CAMKMT: variants seen among roughly 807,000 people sequenced by gnomAD.
CAMKMT encodes CaM KMT.
In CAMKMT, 53 loss-of-function variants were observed where a neutral mutation model predicts 48.0. The ratio of observed to expected loss-of-function variants is 1.10; its 90% CI spans 0.89 to 1.39. The LOEUF (loss-of-function observed/expected upper bound fraction) is 1.39. Ranked by LOEUF, CAMKMT falls within the 40% of genes most tolerant of loss-of-function variation. The pLI, the probability that CAMKMT is intolerant of heterozygous loss-of-function variation, is 0.00. For synonymous variants in CAMKMT, 165 were observed against 152.3 expected, an observed-to-expected ratio of 1.08 and a Z score of -0.61; for missense variants, 428 against 402.7, an observed-to-expected ratio of 1.06 and a Z score of -0.54.
intron 3 of CAMKMT, among the ~76,000 whole-genome samples, chr2:44,596,852 A>G (rs895682556): frequency 3.3e-5 from 5 of 152,244 alleles, no homozygotes; most frequent in Non-Finnish European, 7.3e-5. Flanking sequence ...TTATGCATAT[A>G]TAATAGATTC....
intron 3 of CAMKMT, among the ~76,000 whole-genome samples, chr2:44,689,070 A>T (rs550235473): frequency 2.0e-5 from 3 of 152,278 alleles, no homozygotes; most frequent in African/African-American, 7.2e-5. Context: ...TTCATGAATC[A>T]CAGGTAACTC....
intron 2 of CAMKMT, among the ~76,000 whole-genome samples, chr2:44,375,121 A>C: frequency 6.6e-6 from 1 of 150,902 alleles, no homozygotes. Flanking sequence ...ATAGAGTGAG[A>C]CCCCTTTAGG....
chr2:44,525,393 T>C (rs1671352399), intron 3 of CAMKMT, among the ~76,000 whole-genome samples: 1 of 152,068 alleles, frequency 6.6e-6, no homozygotes, highest in Non-Finnish European at 1.5e-5. Flanking sequence ...TAGCTGGGAC[T>C]ACAGGTGCTT....
At chr2:44,701,871 C>A (rs1327024309) in intron 3 of CAMKMT, among the ~76,000 whole-genome samples, 1 of 152,020 alleles carries the variant, frequency 6.6e-6, no homozygotes, top group African/African-American at 2.4e-5. Flanking sequence ...ATGAAAAGAT[C>A]CCATTGGTGT....
intron 3 of CAMKMT, among the ~76,000 whole-genome samples, chr2:44,398,028 C>T (rs2603252): frequency 0.71 from 108,274 of 151,444 alleles, 39,363 homozygotes; most frequent in South Asian, 0.79. Context: ...ATTTTTCCCC[C>T]GAGCAAATAC....
At chr2:44,526,284 A>G (rs1671399996) in intron 3 of CAMKMT, among the ~76,000 whole-genome samples, 1 of 152,216 alleles carries the variant, frequency 6.6e-6, no homozygotes, top group Non-Finnish European at 1.5e-5. Flanking sequence ...TAATGCTAAG[A>G]GCATTCACTA....
At chr2:44,640,324 G>C (rs1673380624) in intron 3 of CAMKMT, among the ~76,000 whole-genome samples, 1 of 152,144 alleles carries the variant, frequency 6.6e-6, no homozygotes. Context: ...CTTTTATGTA[G>C]AGTTTTATTT....
intron 3 of CAMKMT, among the ~76,000 whole-genome samples, chr2:44,587,448 C>G (rs1669919951): frequency 6.9e-6 from 1 of 144,738 alleles, no homozygotes; most frequent in African/African-American, 2.6e-5. Context: ...CCCTCCCCCT[C>G]CCCCTCCCCC....
chr2:44,752,138 G>A (rs751162308), intron 8 of CAMKMT, among the ~76,000 whole-genome samples: 52 of 151,986 alleles, frequency 3.4e-4, no homozygotes, highest in Non-Finnish European at 5.4e-4. Flanking sequence ...TGGGCCCCAT[G>A]GTTTTGGCAT....
chr2:44,557,245 G>C (rs765465842), intron 3 of CAMKMT, among the ~76,000 whole-genome samples: 12 of 151,702 alleles, frequency 7.9e-5, no homozygotes, highest in Non-Finnish European at 1.6e-4. Flanking sequence ...TGGGAGGATG[G>C]AGCTGAAAGA....
intron 3 of CAMKMT, among the ~76,000 whole-genome samples, chr2:44,438,149 C>G (rs558106126): frequency 1.6e-4 from 25 of 152,178 alleles, no homozygotes; most frequent in Non-Finnish European, 3.7e-4. Flanking sequence ...CAAGGTCACT[C>G]AGCTAGTAAA....
rs201673397 is a variant in CAMKMT at position 44,659,566 on chromosome 2, CA to C, written c.377-44703del. ...GCAACATAGGGAAACCCCATCTCTACAAAAAAAAAAAAAAGAAAAATTAGAT... is the reference window on the plus strand; with the variant it reads ...GCAACATAGGGAAACCCCATCTCTACAAAAAAAAAAAAAGAAAAATTAGAT... On this transcript the variant is annotated intron_variant, in intron 3 of 10. Transcript: ENST00000378494. Among the ~76,000 whole-genome samples, 1,134 of 113,630 alleles carry C rather than the reference CA, an allele frequency of 1.0e-2. 4 individuals carry two copies. The highest frequency in any genetic ancestry group is 0.015 in the Non-Finnish European group (883 of 57,080). The allele number at this position is 113,630 out of a possible 152,430, so 74.5% of individuals were successfully genotyped here. A position where few individuals can be genotyped will look rare whatever the true frequency, so the allele number is the denominator to read the frequency against.
chr2:44,458,271 T>C (rs952446479), intron 3 of CAMKMT, among the ~76,000 whole-genome samples: 2 of 152,090 alleles, frequency 1.3e-5, no homozygotes, highest in Non-Finnish European at 2.9e-5. Flanking sequence ...AGTCTCGAAC[T>C]CCTGATCTCA....
chr2:44,384,654 T>G (rs1257716644), intron 2 of CAMKMT, among the ~76,000 whole-genome samples: 5 of 152,142 alleles, frequency 3.3e-5, no homozygotes, highest in Non-Finnish European at 7.4e-5. Context: ...CCTAAGTTGA[T>G]TTTTTATAAG....
At chr2:44,537,649 C>T (rs1413898828) in intron 3 of CAMKMT, among the ~76,000 whole-genome samples, 2 of 152,044 alleles carry the variant, frequency 1.3e-5, no homozygotes, top group Non-Finnish European at 2.9e-5. Flanking sequence ...ACTGCAGCCT[C>T]GACCCCAGGG....
At chr2:44,521,378 A>T (rs371766468) in intron 3 of CAMKMT, among the ~76,000 whole-genome samples, 16 of 152,084 alleles carry the variant, frequency 1.1e-4, no homozygotes, top group African/African-American at 3.6e-4. Context: ...TCCCAGGTTC[A>T]AGCGATTCCT....
chr2:44,370,721 T>G (rs1679089890), intron 1 of CAMKMT, among the ~76,000 whole-genome samples: 1 of 152,230 alleles, frequency 6.6e-6, no homozygotes, highest in Non-Finnish European at 1.5e-5. Context: ...TTTTGGCCTT[T>G]CTGTATTTTT....
intron 3 of CAMKMT, among the ~76,000 whole-genome samples, chr2:44,402,771 A>AT (rs1682510524): frequency 3.3e-5 from 1 of 30,442 alleles, no homozygotes; most frequent in Non-Finnish European, 7.7e-5. Flanking sequence ...CTTTTTCTTT[A>AT]CTTTTAACCT....
intron 3 of CAMKMT, among the ~76,000 whole-genome samples, chr2:44,502,643 G>A (rs570156125): frequency 2.0e-5 from 3 of 152,190 alleles, no homozygotes; most frequent in African/African-American, 7.2e-5. Flanking sequence ...TTGAACTTGG[G>A]TTAGGTAATA....
Sources: gnomAD v4.1 joint callset for allele counts (sites outside exome capture counted in the v4.1 genomes callset) on GRCh38, gnomAD v4.1.1 for gene constraint, MANE v1.5 for transcripts, NCBI Gene and HGNC (gene_info 2026-07-23, HGNC 2026-07-21) for gene names.